The following SLC12A8 variants were observed in gnomAD, a reference collection of about 807,000 sequenced individuals.
SLC12A8 encodes the protein cation-chloride cotransporter 9.
A neutral mutation model predicts 75.6 loss-of-function variants in SLC12A8; 69 were observed. That is an observed-to-expected ratio of 0.91 (90% CI 0.75 to 1.11). SLC12A8 has a LOEUF of 1.11. Ranked by LOEUF, SLC12A8 falls within the 50% of genes most tolerant of loss-of-function variation. The probability of loss-of-function intolerance (pLI) is 0.00; values close to 1 mark genes in which losing one functional copy is unlikely to be tolerated. For synonymous variants in SLC12A8, 365 were observed against 372.8 expected (o/e 0.98, Z 0.24); for missense variants, 877 against 896.7 (o/e 0.98, Z 0.28).
intron 5 of SLC12A8, among the ~76,000 whole-genome samples, chr3:125,175,364 A>G (rs147488850): frequency 6.6e-6 from 1 of 152,348 alleles, no homozygotes. Flanking sequence ...AATATCCCAT[A>G]TGAAACATCA....
In SLC12A8 at chr3:125,092,184, A is replaced by G; in HGVS notation, c.1720T>C (p.Ser574Pro). Residue 574 changes from serine (S) to proline (P), a missense_variant, in exon 11 of 14, where the codon TCC becomes CCC. Ser to Pro is a moderately conservative substitution (Grantham distance 74, BLOSUM62 -1). Coordinates refer to ENST00000469902, the MANE Select transcript of SLC12A8 (RefSeq NM_024628.6). ...ESSGEDFFLK[S>P]RLQEQDVWRR... ...CAGACATCTTGTTCTTGGAGCCTGG[A>G]CTTCAGGAAGAAATCTAAAAAATAG... 6.2e-7 allele frequency: 1 copy of G among 1,612,300 alleles called. No individual in the cohort carries two copies. The highest frequency in any genetic ancestry group is 1.1e-5 in the South Asian group (1 of 91,030).
chr3:125,105,857 C>A (rs999873639), intron 10 of SLC12A8, among the ~76,000 whole-genome samples: 2 of 151,998 alleles, frequency 1.3e-5, no homozygotes, highest in Non-Finnish European at 1.5e-5. Context: ...TGGTGAAACC[C>A]CATCTCTACT....
intron 4 of SLC12A8, 55 bp downstream of exon 4, chr3:125,187,182 A>G: frequency 1.3e-6 from 2 of 1,572,870 alleles, no homozygotes; most frequent in South Asian, 1.1e-5. Context: ...GGAAATGGAC[A>G]AGAAGAAAGT....
At chr3:125,194,901 C>A (rs1934976185) in intron 2 of SLC12A8, among the ~76,000 whole-genome samples, 1 of 152,224 alleles carries the variant, frequency 6.6e-6, no homozygotes, top group South Asian at 2.1e-4. Flanking sequence ...GTCCAATGGG[C>A]AGACTGAGGA....
chr3:125,133,707 T>C (rs1054985917), intron 6 of SLC12A8, among the ~76,000 whole-genome samples: 1 of 152,162 alleles, frequency 6.6e-6, no homozygotes, highest in Admixed American at 6.5e-5. Flanking sequence ...ATTGTAGGCA[T>C]GAGCCACTGC....
intron 6 of SLC12A8, among the ~76,000 whole-genome samples, chr3:125,121,550 A>C (rs1203629987): frequency 6.6e-6 from 1 of 152,216 alleles, no homozygotes; most frequent in Non-Finnish European, 1.5e-5. Context: ...GAACACTTTC[A>C]AACTGCCTGG....
chr3:125,177,936 T>C lies in SLC12A8; in HGVS notation c.429A>G (p.Glu143=), dbSNP rs1934575280. The C allele has an allele frequency of 6.2e-7, 1 of 1,613,910 alleles. No homozygotes were observed. The highest frequency in any genetic ancestry group is 1.7e-5 in the Admixed American group (1 of 59,986). The stretch of plus-strand genomic sequence containing the variant: ...CGAGGCCCAGCAAATCCGAGATGGA[T>C]TCAGCAAAGCCGGTGATATACATGG... ...AGAMYITGFA[E]SISDLLGLGN... is the part of the protein sequence containing the mutation. The change falls in exon 5 of 14, where the codon GAA becomes GAG. Residue 143 remains glutamate (E), a synonymous_variant. Transcript: ENST00000469902.
rs773478062 is a variant in SLC12A8, at chr3:125,118,819, C to T, written c.862G>A (p.Ala288Thr). The change falls in exon 8 of 14, where the codon GCC becomes ACC. Residue 288 changes from alanine to threonine, a missense_variant. Coordinates refer to ENST00000469902, the MANE Select transcript of SLC12A8 (RefSeq NM_024628.6). Reference sequence around the variant, plus strand: ...CGAAGGGCCTCTCGAGTGCAGATGGCGCCCAGGAGGAAGACGAAGATGATG... The same window carrying T: ...CGAAGGGCCTCTCGAGTGCAGATGGTGCCCAGGAGGAAGACGAAGATGATG... The part of the protein sequence containing the change: ...LYIIFVFLLG[A>T]ICTREALRYD... 1.7e-5 allele frequency: 27 copies of T among 1,613,606 alleles called. No homozygotes were observed. The highest frequency in any genetic ancestry group is 6.7e-5 in the East Asian group (3 of 44,860).
intron 5 of SLC12A8, among the ~76,000 whole-genome samples, chr3:125,156,583 G>A (rs1355989402): frequency 6.6e-6 from 1 of 152,174 alleles, no homozygotes; most frequent in Admixed American, 6.5e-5. Flanking sequence ...TGGCGGTGGT[G>A]GACCAAAGAT....
intron 5 of SLC12A8, among the ~76,000 whole-genome samples, chr3:125,139,011 A>T (rs1818638): frequency 0.12 from 18,905 of 152,100 alleles, 1,651 homozygotes; most frequent in East Asian, 0.34. Context: ...TGACAAAATA[A>T]TTTTTTTAAA....
intron 8 of SLC12A8, among the ~76,000 whole-genome samples, chr3:125,113,743 C>G (rs1407965982): frequency 6.6e-6 from 1 of 152,146 alleles, no homozygotes; most frequent in Non-Finnish European, 1.5e-5. Flanking sequence ...CCCCAGAGCT[C>G]TTTCCAAAAT....
chr3:125,090,494 T>C (rs1011875070), intron 12 of SLC12A8, among the ~76,000 whole-genome samples: 1 of 152,220 alleles, frequency 6.6e-6, no homozygotes, highest in African/African-American at 2.4e-5. Context: ...TACTTATTTA[T>C]CAATTATTAG....
At chr3:125,128,544 A>C (rs1424746485) in intron 6 of SLC12A8, among the ~76,000 whole-genome samples, 2 of 144,246 alleles carry the variant, frequency 1.4e-5, no homozygotes, top group Admixed American at 7.1e-5. Context: ...CAGTGATGCA[A>C]TCTTGGCTCA....
chr3:125,095,971 C>A (rs1371438411), intron 10 of SLC12A8, among the ~76,000 whole-genome samples: 1 of 152,240 alleles, frequency 6.6e-6, no homozygotes, highest in Non-Finnish European at 1.5e-5. Context: ...GTAGCTAGAA[C>A]TTTCAGCGCC....
In SLC12A8 at chr3:125,145,529, A is replaced by G. The variant is rs183358459; in HGVS notation, c.623-9747T>C. Reference sequence around the variant, plus strand: ...AGATGAACTTTGAAGACCTCATGCTAAGTGAAAGAAGCCAGATGCAAAAGG... The same window carrying G: ...AGATGAACTTTGAAGACCTCATGCTGAGTGAAAGAAGCCAGATGCAAAAGG... On this transcript the variant is annotated intron_variant, in intron 5 of 13. Coordinates refer to ENST00000469902, the MANE Select transcript of SLC12A8 (RefSeq NM_024628.6). 4.2e-3 allele frequency among the ~76,000 whole-genome samples: 640 copies of G among 152,338 alleles called. 7 individuals are homozygous for G. Among genetic ancestry groups the G allele is most frequent in the Non-Finnish European group, 6.1e-3 (415 of 68,022 alleles).
chr3:125,190,304 G>T, intron 3 of SLC12A8, 71 bp downstream of exon 3: 2 of 1,549,706 alleles, frequency 1.3e-6, no homozygotes, highest in Non-Finnish European at 1.8e-6. Flanking sequence ...CTGCACTGTA[G>T]AATGCAAGAG....
At chr3:125,116,605 A>G (rs542620295) in intron 8 of SLC12A8, among the ~76,000 whole-genome samples, 1 of 152,294 alleles carries the variant, frequency 6.6e-6, no homozygotes, top group East Asian at 1.9e-4. Flanking sequence ...TTCCTTAGAT[A>G]CAAAGCTGCC....
intron 5 of SLC12A8, among the ~76,000 whole-genome samples, chr3:125,175,191 T>A (rs1170385482): frequency 1.3e-5 from 2 of 152,228 alleles, no homozygotes; most frequent in Non-Finnish European, 2.9e-5. Context: ...TAGCCACATA[T>A]AATCTCAACA....
chr3:125,103,649 T>C (rs1277401282), intron 10 of SLC12A8, among the ~76,000 whole-genome samples: 1 of 151,618 alleles, frequency 6.6e-6, no homozygotes, highest in Non-Finnish European at 1.5e-5. Context: ...AAAATTTTTG[T>C]AGACACAGGG....
Sources: gnomAD v4.1 joint callset for allele counts (sites outside exome capture counted in the v4.1 genomes callset) on GRCh38, gnomAD v4.1.1 for gene constraint, MANE v1.5 for transcripts, NCBI Gene and HGNC (gene_info 2026-07-23, HGNC 2026-07-21) for gene names.